Variants in ZNF33A observed in about 807,000 individuals in gnomAD.
ZNF33A encodes the protein brain my041 protein.
Under a neutral mutation model 15.9 loss-of-function variants are expected in ZNF33A, and 9 were observed. That is an observed-to-expected ratio of 0.57 (90% confidence interval 0.34 to 0.99). The LOEUF (loss-of-function observed/expected upper bound fraction) is 0.99. Among genes scored for constraint, ZNF33A ranks in the 50% least tolerant of loss-of-function variants. The probability of loss-of-function intolerance (pLI) is 0.02; values close to 1 mark genes in which losing one functional copy is unlikely to be tolerated. For missense variants in ZNF33A, 843 were observed against 941.6 expected (o/e 0.90, Z 1.37); for synonymous variants, 294 against 324.2 (o/e 0.91, Z 1.00).
chr10:38,057,331 A>G lies in ZNF33A; in HGVS notation c.*771A>G, dbSNP rs2066527790. 1.0e-6 allele frequency: 1 copy of G among 985,420 alleles called. No homozygotes were observed. The highest frequency in any genetic ancestry group is 1.2e-6 in the Non-Finnish European group (1 of 829,920). 61.0% of individuals were successfully genotyped at this position (985,420 alleles called of 1,614,324 possible). On this transcript the variant is annotated 3_prime_UTR_variant, in exon 5 of 5. Transcript: ENST00000432900. ...CCCTATCCCTTGCATCCACTTGACT[A>G]TGAAGTTTTTTTAAAGCACAGATAA... is the stretch of plus-strand genomic sequence containing the variant.
intron 2 of ZNF33A, among the ~76,000 whole-genome samples, chr10:38,013,131 A>G (rs2064273693): frequency 6.6e-6 from 1 of 151,922 alleles, no homozygotes; most frequent in Non-Finnish European, 1.5e-5. Context: ...TATTTTTTTG[A>G]GACGGAATCT....
intron 4 of ZNF33A, among the ~76,000 whole-genome samples, chr10:38,048,470 T>C (rs1191473367): frequency 6.6e-6 from 1 of 151,656 alleles, no homozygotes; most frequent in Non-Finnish European, 1.5e-5. Flanking sequence ...ATATAAATGG[T>C]CTAAAACACC....
intron 4 of ZNF33A, among the ~76,000 whole-genome samples, chr10:38,022,604 G>A (rs1309137774): frequency 4.9e-5 from 7 of 143,268 alleles, no homozygotes; most frequent in Non-Finnish European, 9.0e-5. Flanking sequence ...GTTTCAGTGA[G>A]CTGATACTGC....
At chr10:38,061,001 T>C (rs555841806), downstream of ZNF33A, among the ~76,000 whole-genome samples, 47 of 152,308 alleles carry the variant, frequency 3.1e-4, no homozygotes, top group Non-Finnish European at 5.7e-4. Flanking sequence ...GTACAGGTAG[T>C]GACCACACTG....
intron 4 of ZNF33A, among the ~76,000 whole-genome samples, chr10:38,032,719 G>C (rs990604737): frequency 2.0e-5 from 3 of 150,970 alleles, no homozygotes; most frequent in African/African-American, 7.3e-5. Context: ...CCAAAGTGCT[G>C]AGATTACAGG....
At chr10:38,026,042 C>T (rs2064972115) in intron 4 of ZNF33A, among the ~76,000 whole-genome samples, 2 of 152,308 alleles carry the variant, frequency 1.3e-5, no homozygotes, top group South Asian at 4.1e-4. Flanking sequence ...CCTTTCATGT[C>T]TGCCTTATTT....
At chr10:38,012,273 C>T (rs2064219632) in intron 1 of ZNF33A, 25 bp from the exon 2 acceptor site, 1 of 1,608,126 alleles carries the variant, frequency 6.2e-7, no homozygotes, top group African/African-American at 1.3e-5. Flanking sequence ...TCTTTCATGA[C>T]CCCATTCCTC....
Position 38,048,907 on chromosome 10 carries a change from T to C in ZNF33A, c.251-5468T>C, listed in dbSNP as rs2066076066. Among the ~76,000 whole-genome samples the C allele has an allele frequency of 3.3e-5, 5 of 152,220 alleles. No homozygotes were observed. In the South Asian group the frequency reaches 1.0e-3, roughly 32 times the overall value. ...ATAGACTTAACCCTAAATAACTTAA[T>C]TGACATTTATAAAATATCTTCTGCA... On this transcript the variant is annotated intron_variant, in intron 4 of 4. Transcript: ENST00000432900.
In ZNF33A at chr10:38,027,996, A is replaced by G. The variant is rs192502873; in HGVS notation, c.250+10610A>G. ...GTTTGATCATGATTTTAAAAAATCTATTCTGAAGCTGGGTGGTTCACACCT... is the reference window on the plus strand; with the variant it reads ...GTTTGATCATGATTTTAAAAAATCTGTTCTGAAGCTGGGTGGTTCACACCT... On this transcript the variant is annotated intron_variant, in intron 4 of 4. Transcript: ENST00000432900. Among the ~76,000 whole-genome samples, 12 of 152,232 alleles carry G rather than the reference A, an allele frequency of 7.9e-5. No individual in the cohort carries two copies. The East Asian group carries it at 9.7e-4, about 12-fold the overall frequency.
chr10:38,039,571 T>C, intron 4 of ZNF33A: 1 of 454,958 alleles, frequency 2.2e-6, no homozygotes, highest in South Asian at 1.6e-5. Flanking sequence ...TTTTTACTTG[T>C]GTAGGTCTTT....
chr10:38,020,892 G>GT (rs1157461654), intron 4 of ZNF33A, among the ~76,000 whole-genome samples: 2 of 152,152 alleles, frequency 1.3e-5, no homozygotes, highest in Admixed American at 6.6e-5. Flanking sequence ...TCTATTTTTA[G>GT]TTTTTTCAGG....
Position 38,017,273 on chromosome 10 carries a change from A to T in ZNF33A, c.155-18A>T. 6.2e-7 allele frequency: 1 copy of T among 1,611,032 alleles called. No individual in the cohort carries two copies. The highest frequency in any genetic ancestry group is 8.5e-7 in the Non-Finnish European group (1 of 1,177,932). Reference sequence around the variant, plus strand: ...CTAGACTGCTTGGTCCAAATCCTAAATTATTTCCTGTTAACAGGGTATTGT... The same window carrying T: ...CTAGACTGCTTGGTCCAAATCCTAATTTATTTCCTGTTAACAGGGTATTGT... On this transcript the variant is annotated intron_variant, in intron 3 of 4. Transcript: ENST00000432900.
Position 38,058,007 on chromosome 10 carries a change from T to C in ZNF33A, c.*1447T>C, listed in dbSNP as rs1238594860. Reference sequence around the variant, plus strand: ...TATTGATAGTGTGAAGATTGTACACTATATTACATGATCAGATCATACAAA... The same window carrying C: ...TATTGATAGTGTGAAGATTGTACACCATATTACATGATCAGATCATACAAA... On this transcript the variant is annotated 3_prime_UTR_variant, in exon 5 of 5. Transcript: ENST00000432900. 3 of 985,082 alleles carry C rather than the reference T, an allele frequency of 3.0e-6. No individual in the cohort carries two copies. In the African/African-American group the frequency reaches 5.2e-5, roughly 17 times the overall value. 61.0% of individuals were successfully genotyped at this position (985,082 alleles called of 1,614,324 possible). A position where few individuals can be genotyped will look rare whatever the true frequency, so the allele number is the denominator to read the frequency against.
At position 38,010,706 on chromosome 10, in the gene ZNF33A, T is replaced by G; in HGVS notation, c.-122T>G. ...GCCTTTCCTTTTGTTTTTCTCAGGT[T>G]TTGCGTGGGAGGCGGTCCCGGGATT... On this transcript the variant is annotated 5_prime_UTR_variant, in exon 1 of 5. Coordinates refer to ENST00000432900, the MANE Select transcript of ZNF33A (RefSeq NM_006954.2). 3.1e-6 allele frequency: 5 copies of G among 1,598,136 alleles called. No homozygotes were observed. In the South Asian group the frequency reaches 5.5e-5, roughly 18 times the overall value.
At chr10:38,016,774 TA>T in intron 2 of ZNF33A, 96 bp from the exon 3 acceptor site, 1 of 1,403,056 alleles carries the variant, frequency 7.1e-7, no homozygotes, top group African/African-American at 1.5e-5. Context: ...TCTTTTTCCC[TA>T]AAAGTATAAA....
chr10:38,057,050 A>G lies in ZNF33A; in HGVS notation c.*490A>G, dbSNP rs117975978. The G allele has an allele frequency of 2.3e-4, 155 of 685,814 alleles. 2 individuals are homozygous for G. In the East Asian group the frequency reaches 0.015, roughly 67 times the overall value. The allele number at this position is 685,814 out of a possible 1,614,324, so 42.5% of individuals were successfully genotyped here. On this transcript the variant is annotated 3_prime_UTR_variant, in exon 5 of 5. Coordinates refer to ENST00000432900, the MANE Select transcript of ZNF33A (RefSeq NM_006954.2). The stretch of plus-strand genomic sequence containing the variant: ...CATAGTATATGGTCAAGTCCAAGAA[A>G]TCGATGTTACCTTGCTGGTAGATAG...
chr10:38,064,012 C>A, downstream of ZNF33A: 1 of 1,401,744 alleles, frequency 7.1e-7, no homozygotes, highest in Non-Finnish European at 9.9e-7. Flanking sequence ...GAAAAGAGGG[C>A]TTTCAGGCCA....
intron 2 of ZNF33A, among the ~76,000 whole-genome samples, chr10:38,012,587 A>T (rs2064242171): frequency 6.6e-6 from 1 of 151,838 alleles, no homozygotes. Flanking sequence ...GCATGCTGCC[A>T]CGCCTGGCTA....
At chr10:38,039,527 T>C (rs2065604526) in intron 4 of ZNF33A, 1 of 455,856 alleles carries the variant, frequency 2.2e-6, no homozygotes, top group South Asian at 1.6e-5. Flanking sequence ...GCATCCCACC[T>C]GTAATGGGGA....
Sources: allele counts gnomAD v4.1 joint callset (sites outside exome capture counted in the v4.1 genomes callset), GRCh38; gene constraint gnomAD v4.1.1; transcripts MANE v1.5; gene names NCBI Gene and HGNC (gene_info 2026-07-23, HGNC 2026-07-21).